The following TBC1D4 variants were observed in gnomAD, a reference collection of about 807,000 sequenced individuals.
The protein encoded by TBC1D4 is TBC1 domain family member 4.
TBC1D4 carries 121 observed loss-of-function variants against 142.5 expected under a neutral mutation model. The observed-to-expected ratio is 0.85, with a 90% CI of 0.73 to 0.99. TBC1D4 has a LOEUF of 0.99. TBC1D4 is among the 50% of genes least tolerant of loss of function. The probability of loss-of-function intolerance (pLI) is 0.00; values close to 1 mark genes in which losing one functional copy is unlikely to be tolerated. For synonymous variants in TBC1D4, 630 were observed against 628.2 expected (o/e 1.00, Z -0.04); for missense variants, 1,475 against 1,606.6 (o/e 0.92, Z 1.40).
chr13:75,481,594 G>A lies in TBC1D4; in HGVS notation c.174C>T (p.Leu58=). ...GGCTGCGCCTGCGGATCTCGGCCAT[G>A]AGCCAGGGCAGCATAGGCAGCGTGG... The part of the protein sequence containing the change: ...HRTTLPMLPW[L]MAEIRRRSQK... Residue 58 remains leucine, a synonymous_variant, in exon 1 of 21, where the codon CTC becomes CTT. Coordinates refer to ENST00000377636, the MANE Select transcript of TBC1D4 (RefSeq NM_014832.5). 1.2e-6 allele frequency: 2 copies of A among 1,607,518 alleles called. No individual in the cohort carries two copies. The highest frequency in any genetic ancestry group is 1.7e-4 in the Middle Eastern group (1 of 6,036).
chr13:75,340,993 G>C (rs187808878), intron 7 of TBC1D4, 132 bp downstream of exon 7: 2 of 758,988 alleles, frequency 2.6e-6, no homozygotes, highest in Non-Finnish European at 2.3e-6. Flanking sequence ...AATGCTGGGC[G>C]GGGGAGTGAG....
chr13:75,311,012 G>T (rs995624270), intron 13 of TBC1D4, among the ~76,000 whole-genome samples: 8 of 152,124 alleles, frequency 5.3e-5, no homozygotes, highest in Non-Finnish European at 1.0e-4. Context: ...AGTATTCCAT[G>T]TGCAACACTC....
chr13:75,449,461 A>G (rs150938164), intron 1 of TBC1D4, among the ~76,000 whole-genome samples: 211 of 152,188 alleles, frequency 1.4e-3, no homozygotes, highest in African/African-American at 4.9e-3. Context: ...CTCTCTCAAA[A>G]TATCTTATTG....
intron 1 of TBC1D4, among the ~76,000 whole-genome samples, chr13:75,371,356 T>C (rs1883211726): frequency 6.6e-6 from 1 of 152,160 alleles, no homozygotes; most frequent in Admixed American, 6.5e-5. Flanking sequence ...AGCAATCTCC[T>C]TAAGTAGGCA....
intron 1 of TBC1D4, among the ~76,000 whole-genome samples, chr13:75,409,568 T>C (rs1885502479): frequency 6.6e-6 from 1 of 152,226 alleles, no homozygotes. Context: ...TGGGTTTCTC[T>C]GGAAGTTCTG....
At chr13:75,438,491 T>C (rs551650211) in intron 1 of TBC1D4, among the ~76,000 whole-genome samples, 3 of 152,124 alleles carry the variant, frequency 2.0e-5, no homozygotes, top group Non-Finnish European at 4.4e-5. Flanking sequence ...ATCCAATCAA[T>C]GTCCTCTAAA....
chr13:75,389,099 G>A (rs1191979320), intron 1 of TBC1D4, among the ~76,000 whole-genome samples: 2 of 152,212 alleles, frequency 1.3e-5, no homozygotes, highest in Non-Finnish European at 2.9e-5. Context: ...AGTAGCTATT[G>A]CTGCCCATCA....
chr13:75,290,926 G>A (rs944313322), intron 19 of TBC1D4, among the ~76,000 whole-genome samples: 6 of 152,222 alleles, frequency 3.9e-5, no homozygotes, highest in African/African-American at 7.2e-5. Context: ...AAACCCTATC[G>A]TCTTTCTGCC....
chr13:75,289,853 G>A (rs1168743391), intron 19 of TBC1D4, among the ~76,000 whole-genome samples: 6 of 152,162 alleles, frequency 3.9e-5, no homozygotes, highest in Non-Finnish European at 7.4e-5. Context: ...GACAACAGCT[G>A]CTATTCAAGC....
intron 14 of TBC1D4, among the ~76,000 whole-genome samples, chr13:75,307,326 C>T (rs537662791): frequency 1.2e-4 from 18 of 152,256 alleles, no homozygotes; most frequent in Admixed American, 6.5e-4. Context: ...AACACTAATT[C>T]TATTTTTAAA....
intron 1 of TBC1D4, among the ~76,000 whole-genome samples, chr13:75,434,245 C>T (rs1886699238): frequency 6.6e-6 from 1 of 152,134 alleles, no homozygotes. Context: ...ATAGCAAAGA[C>T]ATGGAATCAA....
intron 3 of TBC1D4, among the ~76,000 whole-genome samples, chr13:75,359,377 C>G (rs2138158709): frequency 6.6e-6 from 1 of 152,222 alleles, no homozygotes; most frequent in South Asian, 2.1e-4. Flanking sequence ...CTTTTACTAC[C>G]TACTACGGTA....
chr13:75,414,206 G>A (rs745330657), intron 1 of TBC1D4, among the ~76,000 whole-genome samples: 1 of 152,202 alleles, frequency 6.6e-6, no homozygotes, highest in South Asian at 2.1e-4. Context: ...TCTCCAATGA[G>A]TTCTAGATGA....
At chr13:75,426,324 C>A (rs1031849586) in intron 1 of TBC1D4, among the ~76,000 whole-genome samples, 4 of 152,118 alleles carry the variant, frequency 2.6e-5, no homozygotes, top group Admixed American at 2.0e-4. Context: ...GGAAAAAATC[C>A]TTTTTGATAA....
intron 12 of TBC1D4, among the ~76,000 whole-genome samples, chr13:75,314,612 T>G (rs988490101): frequency 6.6e-6 from 1 of 152,170 alleles, no homozygotes; most frequent in Non-Finnish European, 1.5e-5. Flanking sequence ...ATAGTCAAAC[T>G]CTGGTTATTA....
chr13:75,383,631 G>A (rs965482528), intron 1 of TBC1D4, among the ~76,000 whole-genome samples: 1 of 151,984 alleles, frequency 6.6e-6, no homozygotes, highest in Admixed American at 6.5e-5. Context: ...TAATTGTTCT[G>A]TCTTATTATT....
rs143665333 is a variant in TBC1D4, at chr13:75,291,690, A to G, written c.3486+412T>C. Among the ~76,000 whole-genome samples, 7 of 152,268 alleles carry G rather than the reference A, an allele frequency of 4.6e-5. No individual in the cohort carries two copies. In the East Asian group the frequency reaches 7.7e-4, roughly 17 times the overall value. On this transcript the variant is annotated intron_variant, in intron 19 of 20. Coordinates refer to ENST00000377636, the MANE Select transcript of TBC1D4 (RefSeq NM_014832.5). ...CTGATGTGTGCAAGCCAAACAACCAATTAAAAAGCCAGAAGTAGATGCAAA... is the reference window on the plus strand; with the variant it reads ...CTGATGTGTGCAAGCCAAACAACCAGTTAAAAAGCCAGAAGTAGATGCAAA...
intron 1 of TBC1D4, among the ~76,000 whole-genome samples, chr13:75,418,267 T>C (rs1054163821): frequency 6.6e-6 from 1 of 152,214 alleles, no homozygotes; most frequent in Non-Finnish European, 1.5e-5. Context: ...TTATTCTTTC[T>C]ATTGGGAAAT....
At chr13:75,293,063 G>A (rs1270853938) in intron 18 of TBC1D4, among the ~76,000 whole-genome samples, 1 of 152,190 alleles carries the variant, frequency 6.6e-6, no homozygotes, top group African/African-American at 2.4e-5. Flanking sequence ...GCTGAGGCAG[G>A]AGAATCGCTC....
Sources: gnomAD v4.1 joint callset for allele counts (sites outside exome capture counted in the v4.1 genomes callset) on GRCh38, gnomAD v4.1.1 for gene constraint, MANE v1.5 for transcripts, NCBI Gene and HGNC (gene_info 2026-07-23, HGNC 2026-07-21) for gene names.